The following PHLDB2 variants were observed in gnomAD, a reference collection of about 807,000 sequenced individuals.
The protein encoded by PHLDB2 is pleckstrin homology like domain family B member 2, also known as pleckstrin homology-like domain family B member 2.
PHLDB2 carries 71 observed loss-of-function variants against 123.6 expected under a neutral mutation model. That is an observed-to-expected ratio of 0.57 (90% CI 0.47 to 0.70). PHLDB2 has a LOEUF of 0.70. PHLDB2 is among the 30% of genes least tolerant of loss of function. The pLI is 0.00. For missense variants in PHLDB2, 1,446 were observed against 1,519.5 expected (o/e 0.95, Z 0.80); for synonymous variants, 547 against 541.6 (o/e 1.01, Z -0.14).
At chr3:111,822,273 CTCTG>C (rs1361587793) in intron 1 of PHLDB2, among the ~76,000 whole-genome samples, 1 of 142,604 alleles carries the variant, frequency 7.0e-6, no homozygotes, top group Non-Finnish European at 1.5e-5. Context: ...GTTTCTTTCT[CTCTG>C]TCTCTCTATC....
In PHLDB2 at chr3:111,954,034, G is replaced by A. The variant is rs372866978; in HGVS notation, c.2872+5G>A. ...AATCTCGGAGGATGCTCAGAGGTACGTACCTTTTAAATCAAGTGTCATGGC... is the reference window on the plus strand; with the variant it reads ...AATCTCGGAGGATGCTCAGAGGTACATACCTTTTAAATCAAGTGTCATGGC... On this transcript the variant is annotated splice_donor_5th_base_variant and intron_variant, in intron 12 of 17. Transcript: ENST00000431670. The A allele has an allele frequency of 3.7e-6, 6 of 1,610,354 alleles. No homozygotes were observed. The African/African-American group carries it at 4.0e-5, about 11-fold the overall frequency.
intron 5 of PHLDB2, among the ~76,000 whole-genome samples, chr3:111,925,416 C>T (rs2068758239): frequency 6.6e-6 from 1 of 152,152 alleles, no homozygotes; most frequent in Non-Finnish European, 1.5e-5. Flanking sequence ...TTCCATCTGA[C>T]CTTGAGATAC....
chr3:111,734,247 G>C (rs1941606232), intron 1 of PHLDB2, among the ~76,000 whole-genome samples: 1 of 152,180 alleles, frequency 6.6e-6, no homozygotes, highest in Admixed American at 6.5e-5. Context: ...AAGTGATGGA[G>C]GTGGTTTTGA....
intron 1 of PHLDB2, among the ~76,000 whole-genome samples, chr3:111,823,377 A>C (rs1185690626): frequency 6.6e-6 from 1 of 152,256 alleles, no homozygotes; most frequent in Non-Finnish European, 1.5e-5. Context: ...TCAACTTAGA[A>C]GTTTCAAAAA....
chr3:111,834,134 T>TTA (rs1559857973), intron 1 of PHLDB2, among the ~76,000 whole-genome samples: 405 of 21,616 alleles, frequency 0.019, 20 homozygotes, highest in South Asian at 0.033. Flanking sequence ...TATATATATA[T>TTA]TATATGTAAT....
intron 6 of PHLDB2, among the ~76,000 whole-genome samples, chr3:111,932,638 A>ATT (rs371254717): frequency 6.6e-5 from 10 of 151,214 alleles, no homozygotes; most frequent in African/African-American, 2.4e-4. Flanking sequence ...TTCTGGAGTC[A>ATT]TTTTTTTTTG....
chr3:111,804,380 T>C (rs559044359), intron 1 of PHLDB2, among the ~76,000 whole-genome samples: 3 of 152,342 alleles, frequency 2.0e-5, no homozygotes, highest in South Asian at 4.1e-4. Flanking sequence ...CTATTAGAGG[T>C]AGAAAACTTT....
At chr3:111,876,285 G>A (rs1423975497) in intron 1 of PHLDB2, among the ~76,000 whole-genome samples, 1 of 152,138 alleles carries the variant, frequency 6.6e-6, no homozygotes, top group Admixed American at 6.6e-5. Context: ...ACCCCTACCT[G>A]TGTGTGTGGT....
chr3:111,896,441 G>A (rs1418778392), intron 2 of PHLDB2, among the ~76,000 whole-genome samples: 7 of 151,590 alleles, frequency 4.6e-5, no homozygotes, highest in African/African-American at 1.7e-4. Context: ...GCCTCCTAAG[G>A]GTTCAAGCAA....
In PHLDB2 at chr3:111,975,625, T is replaced by C. The variant is rs1426048941; in HGVS notation, c.*1062T>C. The C allele has an allele frequency of 6.6e-6, 1 of 152,576 alleles. No individual in the cohort carries two copies. Among genetic ancestry groups the C allele is most frequent in the Non-Finnish European group, 1.5e-5 (1 of 68,040 alleles). 9.5% of individuals were successfully genotyped at this position (152,576 alleles called of 1,614,324 possible). On this transcript the variant is annotated 3_prime_UTR_variant, in exon 18 of 18. Coordinates refer to ENST00000431670, the MANE Select transcript of PHLDB2 (RefSeq NM_001134438.2). ...AAATGAAGTTCAACTTAATATTCTC[T>C]ATAATGTATTATTTTATTTTATTTT...
chr3:111,887,962 A>G (rs558355971), intron 2 of PHLDB2, among the ~76,000 whole-genome samples: 2 of 152,260 alleles, frequency 1.3e-5, no homozygotes, highest in South Asian at 4.1e-4. Flanking sequence ...CAGAGAAAGT[A>G]GAGAACACTT....
intron 1 of PHLDB2, among the ~76,000 whole-genome samples, chr3:111,775,920 CT>C (rs1170608242): frequency 6.6e-6 from 1 of 152,150 alleles, no homozygotes; most frequent in Non-Finnish European, 1.5e-5. Context: ...CATTGCTTTG[CT>C]ATAAAACTGG....
At chr3:111,758,919 C>T (rs774774568) in intron 1 of PHLDB2, among the ~76,000 whole-genome samples, 9 of 151,944 alleles carry the variant, frequency 5.9e-5, no homozygotes, top group Non-Finnish European at 1.2e-4. Context: ...ACAGAGACAA[C>T]AAGCTATGTT....
Position 111,966,644 on chromosome 3 carries a change from G to T in PHLDB2, c.3109G>T (p.Glu1037Ter). The change falls in exon 14 of 18, where the codon GAA (glutamate) becomes TAA (stop). Residue 1037 changes from glutamate to a stop codon, truncating the protein, a stop_gained. Coordinates refer to ENST00000431670, the MANE Select transcript of PHLDB2 (RefSeq NM_001134438.2). LOFTEE classifies it high-confidence loss of function. ...ASTSNIARIE[E>*]MERLLKQAHA... ...CACTTCAAATATTGCTAGAATAGAA[G>T]AAATGGAGAGACTTTTGAAGCAGGC... is the stretch of plus-strand genomic sequence containing the variant. 1 of 1,613,386 alleles carries T rather than the reference G, an allele frequency of 6.2e-7. No homozygotes were observed. Among genetic ancestry groups the T allele is most frequent in the African/African-American group, 1.3e-5 (1 of 74,944 alleles).
intron 9 of PHLDB2, among the ~76,000 whole-genome samples, chr3:111,948,387 T>C (rs899651972): frequency 2.6e-5 from 4 of 152,212 alleles, no homozygotes; most frequent in Non-Finnish European, 4.4e-5. Flanking sequence ...TAGAACCCAC[T>C]GTAAATAATT....
intron 2 of PHLDB2, among the ~76,000 whole-genome samples, chr3:111,892,393 T>C (rs2107379188): frequency 6.6e-6 from 1 of 152,322 alleles, no homozygotes; most frequent in East Asian, 1.9e-4. Context: ...CCACTATAGA[T>C]GCACCTCCTA....
chr3:111,761,110 C>T (rs141694918), intron 1 of PHLDB2, among the ~76,000 whole-genome samples: 6,919 of 150,188 alleles, frequency 0.046, 244 homozygotes, highest in Middle Eastern at 0.1. Context: ...ACCTGAACCC[C>T]GGAGGTGGAG....
chr3:111,781,657 A>G (rs76726888), intron 1 of PHLDB2, among the ~76,000 whole-genome samples: 7,919 of 152,206 alleles, frequency 0.052, 688 homozygotes, highest in African/African-American at 0.18. Flanking sequence ...TAGATAACAG[A>G]AATGATCATT....
chr3:111,895,349 C>T (rs1025168951), intron 2 of PHLDB2, among the ~76,000 whole-genome samples: 1 of 152,134 alleles, frequency 6.6e-6, no homozygotes, highest in South Asian at 2.1e-4. Flanking sequence ...TCAGGCTAAA[C>T]GCTGAAATAT....
Sources: allele counts gnomAD v4.1 joint callset (sites outside exome capture counted in the v4.1 genomes callset), GRCh38; gene constraint gnomAD v4.1.1; transcripts MANE v1.5; gene names NCBI Gene and HGNC (gene_info 2026-07-23, HGNC 2026-07-21).